Variants in PRKDC observed in about 807,000 individuals in gnomAD.
PRKDC encodes the protein DNA-dependent protein kinase catalytic subunit.
Under a neutral mutation model 486.9 loss-of-function variants are expected in PRKDC, and 82 were observed. The ratio of observed to expected loss-of-function variants is 0.17; its 90% CI spans 0.14 to 0.20. PRKDC has a LOEUF of 0.20. Among genes scored for constraint, PRKDC ranks in the 10% least tolerant of loss-of-function variants. The probability of loss-of-function intolerance (pLI) is 1.00; values close to 1 mark genes in which losing one functional copy is unlikely to be tolerated. For synonymous variants in PRKDC, 1,895 were observed against 1,837.0 expected, an observed-to-expected ratio of 1.03 and a Z score of -0.81; for missense variants, 4,504 against 5,038.2, an observed-to-expected ratio of 0.89 and a Z score of 3.21.
chr8:47,864,473 T>C, intron 41 of PRKDC, 83 bp downstream of exon 41: 2 of 1,269,480 alleles, frequency 1.6e-6, no homozygotes, highest in Middle Eastern at 2.7e-4. Context: ...GCAGAGGCCA[T>C]GTGACTGAGC....
rs571000280 is a variant in PRKDC, at chr8:47,904,996, A to T, written c.2935-20T>A. ...TGTCACCTGAAGAAACAATACCATT[A>T]AAGTTAATTCCCTTCATGTTAAAGA... is the stretch of plus-strand genomic sequence containing the variant. On this transcript the variant is annotated intron_variant, in intron 25 of 85. Transcript: ENST00000314191. The T allele has an allele frequency of 1.3e-6, 2 of 1,526,060 alleles. No homozygotes were observed. Among genetic ancestry groups the T allele is most frequent in the African/African-American group, 2.7e-5 (2 of 72,946 alleles). The allele number at this position is 1,526,060 out of a possible 1,614,324, so 94.5% of individuals were successfully genotyped here. A position where few individuals can be genotyped will look rare whatever the true frequency, so the allele number is the denominator to read the frequency against.
chr8:47,802,347 T>C (rs946905232), intron 70 of PRKDC, among the ~76,000 whole-genome samples: 9 of 152,194 alleles, frequency 5.9e-5, no homozygotes, highest in African/African-American at 1.9e-4. Context: ...AGCTGGATCA[T>C]GCCTGATCAG....
intron 40 of PRKDC, among the ~76,000 whole-genome samples, chr8:47,870,634 A>C (rs1270279176): frequency 6.6e-6 from 1 of 152,208 alleles, no homozygotes; most frequent in Non-Finnish European, 1.5e-5. Context: ...AGCCCAGAAG[A>C]CTACAATAAA....
Position 47,912,492 on chromosome 8 carries a change from C to T in PRKDC, c.2852G>A (p.Gly951Glu). 1 of 1,612,616 alleles carries T rather than the reference C, an allele frequency of 6.2e-7. No homozygotes were observed. Among genetic ancestry groups the T allele is most frequent in the Non-Finnish European group, 8.5e-7 (1 of 1,179,148 alleles). Residue 951 changes from glycine to glutamate, a missense_variant, in exon 25 of 86, where the codon GGG (glycine) becomes GAG (glutamate). Around this residue, in one of 6 missense-constraint regions of PRKDC, gnomAD observed 1,969 missense variants for 2,068.9 expected, o/e 0.95. Transcript: ENST00000314191. ...MLGKATQMPEGGQGAPPMYQL... is the reference protein window; with the variant it reads ...MLGKATQMPEEGQGAPPMYQL... ...GTACATGGGTGGGGCTCCCTGTCCCCCTTCTGGCATCTGCGTGGCTTTGCC... is the reference window on the plus strand; with the variant it reads ...GTACATGGGTGGGGCTCCCTGTCCCTCTTCTGGCATCTGCGTGGCTTTGCC...
chr8:47,915,777 C>T (rs915904303), intron 22 of PRKDC, among the ~76,000 whole-genome samples: 1 of 152,210 alleles, frequency 6.6e-6, no homozygotes, highest in Non-Finnish European at 1.5e-5. Context: ...CAGTGTAGCT[C>T]ACTGGGAGAC....
chr8:47,882,219 T>C, intron 36 of PRKDC, 122 bp from the exon 37 acceptor site: 1 of 913,752 alleles, frequency 1.1e-6, no homozygotes, highest in Non-Finnish European at 1.6e-6. Context: ...TAATAGATGT[T>C]TATCTACTTC....
chr8:47,910,749 T>C (rs555868898), intron 25 of PRKDC, among the ~76,000 whole-genome samples: 4 of 152,354 alleles, frequency 2.6e-5, no homozygotes, highest in African/African-American at 4.8e-5. Context: ...TTTTCAATAA[T>C]GACTTCTACC....
chr8:47,819,432 G>C lies in PRKDC; in HGVS notation c.9415C>G (p.Gln3139Glu), dbSNP rs377390222. Residue 3139 changes from glutamine to glutamate, a missense_variant, in exon 67 of 86, where the codon CAG becomes GAG. Physicochemically the swap from Gln to Glu is conservative, Grantham distance 29. Transcript: ENST00000314191. ...LQSVQALTEIQEFISFISKQG... is the reference protein window; with the variant it reads ...LQSVQALTEIEEFISFISKQG... Reference sequence around the variant, plus strand: ...TTGCTTATAAAGCTGATGAACTCCTGAATTTCTGTTAAAGCCTGTACAGAC... The same window carrying C: ...TTGCTTATAAAGCTGATGAACTCCTCAATTTCTGTTAAAGCCTGTACAGAC... The C allele has an allele frequency of 6.5e-7, 1 of 1,534,338 alleles. No individual in the cohort carries two copies. Among genetic ancestry groups the C allele is most frequent in the African/African-American group, 1.4e-5 (1 of 69,154 alleles).
intron 66 of PRKDC, among the ~76,000 whole-genome samples, chr8:47,820,463 G>A (rs1323607208): frequency 1.3e-5 from 2 of 151,626 alleles, no homozygotes; most frequent in Non-Finnish European, 2.9e-5. Context: ...GAAAAAAAAT[G>A]AAACCTTTCT....
chr8:47,871,149 C>G (rs1249614065), intron 40 of PRKDC, among the ~76,000 whole-genome samples: 1 of 152,116 alleles, frequency 6.6e-6, no homozygotes. Context: ...TAGCGGGAGA[C>G]AGGGGTAGAA....
intron 52 of PRKDC, among the ~76,000 whole-genome samples, chr8:47,852,176 C>T (rs2088422481): frequency 6.6e-6 from 1 of 152,184 alleles, no homozygotes; most frequent in East Asian, 1.9e-4. Flanking sequence ...CTTATCTGAA[C>T]AGCGCACTGC....
chr8:47,931,678 T>C (rs1319223866), intron 16 of PRKDC, among the ~76,000 whole-genome samples: 1 of 152,190 alleles, frequency 6.6e-6, no homozygotes, highest in East Asian at 1.9e-4. Flanking sequence ...ATCCTCCCCA[T>C]TGCCTCTTGT....
rs1035028141 is a variant in PRKDC at position 47,822,651 on chromosome 8, G to A, written c.8923-859C>T. Among the ~76,000 whole-genome samples, 16 of 151,504 alleles carry A rather than the reference G, an allele frequency of 1.1e-4. 1 individual carries two copies. The highest frequency in any genetic ancestry group is 5.9e-4 in the East Asian group (3 of 5,062). On this transcript the variant is annotated intron_variant, in intron 64 of 85. Coordinates refer to ENST00000314191, the MANE Select transcript of PRKDC (RefSeq NM_006904.7). Reference sequence around the variant, plus strand: ...TAAAAATACAAAAAATTAGCCGGGCGTGGTGGCGGGCACCTGTAGTCCCAG... The same window carrying A: ...TAAAAATACAAAAAATTAGCCGGGCATGGTGGCGGGCACCTGTAGTCCCAG...
At chr8:47,873,100 A>T (rs1487509377) in intron 40 of PRKDC, among the ~76,000 whole-genome samples, 1 of 152,122 alleles carries the variant, frequency 6.6e-6, no homozygotes, top group African/African-American at 2.4e-5. Context: ...AAGGATATAA[A>T]TTGTACAGCC....
intron 76 of PRKDC, 80 bp from the exon 77 acceptor site, chr8:47,785,397 G>A (rs1457280098): frequency 4.6e-6 from 5 of 1,079,164 alleles, no homozygotes; most frequent in Non-Finnish European, 6.8e-6. Context: ...TAAGTGTAAT[G>A]AATGGAGTGC....
In PRKDC at chr8:47,927,326, T is replaced by C. The variant is rs1198644999; in HGVS notation, c.2287A>G (p.Thr763Ala). ...TTCAGGCCTACTTCTGCCAAGGGGG[T>C]ATAGCTCAGGCCCAGTTTGAAAGCC... Reference protein sequence around the residue: ...QMAFKLGLSYTPLAEVGLNAL... With the variant: ...QMAFKLGLSYAPLAEVGLNAL... Residue 763 changes from threonine to alanine, a missense_variant, in exon 21 of 86, where the codon ACC (threonine) becomes GCC (alanine). Transcript: ENST00000314191. The C allele has an allele frequency of 1.2e-6, 2 of 1,613,418 alleles. No individual in the cohort carries two copies. The highest frequency in any genetic ancestry group is 1.3e-5 in the African/African-American group (1 of 74,978).
chr8:47,799,270 A>C lies in PRKDC; in HGVS notation c.10237T>G (p.Tyr3413Asp). 1 of 1,613,838 alleles carries C rather than the reference A, an allele frequency of 6.2e-7. No individual in the cohort carries two copies. Among genetic ancestry groups the C allele is most frequent in the Non-Finnish European group, 8.5e-7 (1 of 1,179,890 alleles). Residue 3413 changes from tyrosine to aspartate, a missense_variant, in exon 72 of 86, where the codon TAC becomes GAC. Transcript: ENST00000314191. ...CGPAAGVIDA[Y>D]MTLADFCDQQ... is the part of the protein sequence containing the mutation. The stretch of plus-strand genomic sequence containing the variant: ...TCACAGAAATCTGCCAGCGTCATGT[A>C]AGCATCAATCACCCCAGCTGCAGGC...
At chr8:47,911,818 A>G (rs1332723699) in intron 25 of PRKDC, among the ~76,000 whole-genome samples, 1 of 151,506 alleles carries the variant, frequency 6.6e-6, no homozygotes, top group Non-Finnish European at 1.5e-5. Flanking sequence ...CTCCCAAACT[A>G]GAGTGCAGTG....
At chr8:47,835,016 G>T (rs2087983411) in intron 58 of PRKDC, among the ~76,000 whole-genome samples, 1 of 152,062 alleles carries the variant, frequency 6.6e-6, no homozygotes, top group Non-Finnish European at 1.5e-5. Flanking sequence ...TAGTGTCACA[G>T]AATTTCAATT....
Sources: allele counts gnomAD v4.1 joint callset (sites outside exome capture counted in the v4.1 genomes callset), GRCh38; gene constraint gnomAD v4.1.1; regional missense constraint gnomAD v4.1.1; transcripts MANE v1.5; gene names NCBI Gene and HGNC (gene_info 2026-07-23, HGNC 2026-07-21).